The following CEP112 variants were observed in gnomAD, a reference collection of about 807,000 sequenced individuals.
The protein encoded by CEP112 is centrosomal protein 112, also known as centrosomal protein of 112 kDa.
Under a neutral mutation model 153.0 loss-of-function variants are expected in CEP112, and 127 were observed. The ratio of observed to expected loss-of-function variants is 0.83; its 90% CI spans 0.72 to 0.96. CEP112 has a LOEUF of 0.96. Among genes scored for constraint, CEP112 ranks in the 40% least tolerant of loss-of-function variants. The pLI is 0.00. For synonymous variants in CEP112, 358 were observed against 374.4 expected, an observed-to-expected ratio of 0.96 and a Z score of 0.51; for missense variants, 1,089 against 1,101.2, an observed-to-expected ratio of 0.99 and a Z score of 0.16.
intron 10 of CEP112, among the ~76,000 whole-genome samples, chr17:66,065,400 A>C (rs1326169197): frequency 6.6e-6 from 1 of 151,824 alleles, no homozygotes; most frequent in Non-Finnish European, 1.5e-5. Context: ...TCTCTCCTTC[A>C]CTCCATTCTG....
intron 21 of CEP112, among the ~76,000 whole-genome samples, chr17:65,752,927 G>A (rs2051979504): frequency 6.6e-6 from 1 of 152,166 alleles, no homozygotes; most frequent in African/African-American, 2.4e-5. Flanking sequence ...CATCTGCAGA[G>A]GTTCTGATTC....
Position 65,640,973 on chromosome 17 carries a change from T to C in CEP112, c.2790A>G (p.Leu930=). ...TGATTCTAGTAATTACCTGTGATTTTAGGGAGGAAATGGTGTCTTCAAGTT... is the reference window on the plus strand; with the variant it reads ...TGATTCTAGTAATTACCTGTGATTTCAGGGAGGAAATGGTGTCTTCAAGTT... ...RQELEDTISS[L]KSQVNFLQKR... The change falls in exon 25 of 27, where the codon CTA becomes CTG. Residue 930 remains leucine, a synonymous_variant. Transcript: ENST00000535342. The C allele has an allele frequency of 6.3e-7, 1 of 1,583,686 alleles. No individual in the cohort carries two copies. The highest frequency in any genetic ancestry group is 8.7e-7 in the Non-Finnish European group (1 of 1,152,436).
At chr17:65,928,750 G>C (rs964984769) in intron 18 of CEP112, among the ~76,000 whole-genome samples, 2 of 152,168 alleles carry the variant, frequency 1.3e-5, no homozygotes, top group Non-Finnish European at 2.9e-5. Flanking sequence ...TACAGTCTCA[G>C]CTATTCGAGA....
At chr17:66,097,004 C>A (rs1410926362) in intron 6 of CEP112, among the ~76,000 whole-genome samples, 1 of 152,194 alleles carries the variant, frequency 6.6e-6, no homozygotes. Context: ...GCCCTCCAAA[C>A]CCTGTAAGCA....
intron 17 of CEP112, among the ~76,000 whole-genome samples, chr17:66,003,705 G>A (rs1168027067): frequency 2.6e-5 from 4 of 152,206 alleles, no homozygotes; most frequent in African/African-American, 9.6e-5. Context: ...GCCACAGCAA[G>A]AGGTGAGCCC....
intron 23 of CEP112, among the ~76,000 whole-genome samples, chr17:65,689,920 T>C (rs1230465866): frequency 6.6e-6 from 1 of 152,040 alleles, no homozygotes; most frequent in South Asian, 2.1e-4. Context: ...GACACTGGAT[T>C]GTCCATTCAA....
intron 6 of CEP112, among the ~76,000 whole-genome samples, chr17:66,117,409 C>G (rs1555802154): frequency 6.6e-6 from 1 of 151,202 alleles, no homozygotes; most frequent in Admixed American, 6.6e-5. Context: ...AAATAAAGCA[C>G]AAGACCAAAA....
intron 24 of CEP112, 28 bp downstream of exon 24, chr17:65,689,099 AAG>A (rs753083854): frequency 6.7e-7 from 1 of 1,485,936 alleles, no homozygotes; most frequent in South Asian, 1.1e-5. Context: ...GAAAGTAAAC[AAG>A]AGAGTCAAAT....
intron 7 of CEP112, 53 bp downstream of exon 7, chr17:66,096,532 T>C (rs1024007608): frequency 1.9e-5 from 24 of 1,288,840 alleles, no homozygotes; most frequent in South Asian, 3.9e-5. Context: ...TTAGTGATTA[T>C]TTTATTTTAA....
chr17:66,053,177 A>G (rs1177466299), intron 12 of CEP112, among the ~76,000 whole-genome samples: 2 of 151,912 alleles, frequency 1.3e-5, no homozygotes, highest in Non-Finnish European at 2.9e-5. Context: ...CAAGAAGAAA[A>G]AAGATTTATA....
chr17:65,722,503 C>T (rs753072237), intron 23 of CEP112, among the ~76,000 whole-genome samples: 69 of 152,330 alleles, frequency 4.5e-4, no homozygotes, highest in Non-Finnish European at 7.3e-4. Context: ...CCTGCCTTGG[C>T]CTCCCAAAGT....
chr17:66,019,059 T>G (rs879335748), intron 16 of CEP112, among the ~76,000 whole-genome samples: 1 of 152,176 alleles, frequency 6.6e-6, no homozygotes, highest in Non-Finnish European at 1.5e-5. Flanking sequence ...TCAAAGATCT[T>G]AAGAGCAGAC....
intron 21 of CEP112, among the ~76,000 whole-genome samples, chr17:65,806,732 TG>T (rs2055626469): frequency 6.6e-6 from 1 of 152,172 alleles, no homozygotes; most frequent in African/African-American, 2.4e-5. Flanking sequence ...CTTCACCTTC[TG>T]CCATGATTGT....
Position 65,902,377 on chromosome 17 carries a change from T to C in CEP112, c.1981-43A>G, listed in dbSNP as rs764616838. 2.6e-6 allele frequency: 4 copies of C among 1,545,142 alleles called. No individual in the cohort carries two copies. In the South Asian group the frequency reaches 4.8e-5, roughly 18 times the overall value. On this transcript the variant is annotated intron_variant, in intron 19 of 26. Transcript: ENST00000535342. ...AGGACAGTTCATCAACAGAACATCC[T>C]TGTCGTCATGACAACTCATGTACAG... is the stretch of plus-strand genomic sequence containing the variant.
chr17:65,884,657 C>T (rs915603896), intron 20 of CEP112, among the ~76,000 whole-genome samples: 1 of 149,726 alleles, frequency 6.7e-6, no homozygotes, highest in Non-Finnish European at 1.5e-5. Context: ...TAAAACTATA[C>T]ATATTCGGAA....
intron 21 of CEP112, among the ~76,000 whole-genome samples, chr17:65,838,571 A>T (rs1290944644): frequency 6.6e-6 from 1 of 152,168 alleles, no homozygotes; most frequent in African/African-American, 2.4e-5. Flanking sequence ...CAAATAAACA[A>T]TCTAACACTG....
rs115639667 is a variant in CEP112 at position 65,794,662 on chromosome 17, C to T, written c.2395-43938G>A. ...ATGTGAACTCCATCATTTTCTCCTT[C>T]GAATGTACCTTTCCTCTATGCTCCC... On this transcript the variant is annotated intron_variant, in intron 21 of 26. Transcript: ENST00000535342. Among the ~76,000 whole-genome samples the T allele has an allele frequency of 3.2e-3, 485 of 152,322 alleles. 3 individuals carry two copies. The highest frequency in any genetic ancestry group is 0.011 in the African/African-American group (458 of 41,580).
At chr17:66,172,673 C>T (rs183237720) in intron 4 of CEP112, among the ~76,000 whole-genome samples, 14 of 152,224 alleles carry the variant, frequency 9.2e-5, no homozygotes, top group African/African-American at 3.1e-4. Context: ...TCTATTCACC[C>T]GGACTCCCTG....
intron 18 of CEP112, among the ~76,000 whole-genome samples, chr17:65,936,793 T>TCTCCCC (rs1259721394): frequency 1.8e-5 from 2 of 109,542 alleles, no homozygotes; most frequent in African/African-American, 6.3e-5. Context: ...TCCGTCTACC[T>TCTCCCC]CTCCCCCTCC....
Sources: allele counts gnomAD v4.1 joint callset (sites outside exome capture counted in the v4.1 genomes callset), GRCh38; gene constraint gnomAD v4.1.1; transcripts MANE v1.5; gene names NCBI Gene and HGNC (gene_info 2026-07-23, HGNC 2026-07-21).